HS3ST5: variants seen among roughly 807,000 people sequenced by gnomAD.
HS3ST5 encodes the protein heparan sulfate glucosamine 3-O-sulfotransferase 5.
In HS3ST5, 10 loss-of-function variants were observed where a neutral mutation model predicts 25.4. The ratio of observed to expected loss-of-function variants is 0.39; its 90% CI spans 0.24 to 0.67. The LOEUF (loss-of-function observed/expected upper bound fraction) is 0.67, where lower values mean the gene tolerates loss of function less well. Among genes scored for constraint, HS3ST5 ranks in the 30% least tolerant of loss-of-function variants. The pLI is 0.44. For synonymous variants in HS3ST5, 170 were observed against 162.4 expected, an observed-to-expected ratio of 1.05 and a Z score of -0.36; for missense variants, 324 against 420.7, an observed-to-expected ratio of 0.77 and a Z score of 2.01.
chr6:114,246,927 TAA>T (rs1248010326), intron 1 of HS3ST5, among the ~76,000 whole-genome samples: 3 of 152,316 alleles, frequency 2.0e-5, no homozygotes, highest in South Asian at 4.1e-4. Context: ...AGTGAGAAAG[TAA>T]ACTCTATTCT....
At chr6:114,338,278 C>T (rs1309754596) in intron 1 of HS3ST5, among the ~76,000 whole-genome samples, 1 of 151,364 alleles carries the variant, frequency 6.6e-6, no homozygotes, top group East Asian at 1.9e-4. Flanking sequence ...ATACTATTTA[C>T]ATATGTACAA....
At chr6:114,299,109 C>T (rs1774956487) in intron 1 of HS3ST5, among the ~76,000 whole-genome samples, 1 of 152,174 alleles carries the variant, frequency 6.6e-6, no homozygotes, top group Non-Finnish European at 1.5e-5. Flanking sequence ...TTCTTTTTCT[C>T]AGCAAGCAAC....
chr6:114,209,390 G>A (rs1781418259), intron 2 of HS3ST5, among the ~76,000 whole-genome samples: 1 of 150,150 alleles, frequency 6.7e-6, no homozygotes, highest in Non-Finnish European at 1.5e-5. Flanking sequence ...ATGTTCCTGT[G>A]CATAATTTTC....
At chr6:114,299,437 G>C (rs763402124) in intron 1 of HS3ST5, among the ~76,000 whole-genome samples, 5 of 152,124 alleles carry the variant, frequency 3.3e-5, no homozygotes, top group Admixed American at 6.5e-5. Flanking sequence ...TGTGAAGTAT[G>C]TGATCTCTGT....
intron 1 of HS3ST5, among the ~76,000 whole-genome samples, chr6:114,276,994 T>C (rs1238990865): frequency 6.6e-6 from 1 of 151,964 alleles, no homozygotes; most frequent in African/African-American, 2.4e-5. Flanking sequence ...AGTGGTGCAT[T>C]TGGCAAAGAA....
At position 114,179,604 on chromosome 6, in the gene HS3ST5, T is replaced by G. The variant is rs530050746; in HGVS notation, c.-144-11142A>C. On this transcript the variant is annotated intron_variant, in intron 2 of 4. Transcript: ENST00000312719. ...TGACTCTGTTCCACAGCCTCAAAAT[T>G]TCCTTGGATTTTGAACCTTGGTCTC... Among the ~76,000 whole-genome samples the G allele has an allele frequency of 7.5e-4, 114 of 152,188 alleles. 2 individuals are homozygous for G. The highest frequency in any genetic ancestry group is 2.7e-3 in the African/African-American group (111 of 41,520).
chr6:114,100,638 AC>A (rs1775678686), intron 3 of HS3ST5, among the ~76,000 whole-genome samples: 1 of 152,208 alleles, frequency 6.6e-6, no homozygotes, highest in Non-Finnish European at 1.5e-5. Context: ...ACTAATCACA[AC>A]AGCCTAAACT....
chr6:114,311,652 C>T (rs901425896), intron 1 of HS3ST5, among the ~76,000 whole-genome samples: 7 of 144,792 alleles, frequency 4.8e-5, no homozygotes, highest in Non-Finnish European at 1.0e-4. Flanking sequence ...AAGCAATTCT[C>T]GTGCCTCAGT....
chr6:114,062,946 G>T, intron 3 of HS3ST5, 69 bp from the exon 4 acceptor site: 2 of 829,608 alleles, frequency 2.4e-6, no homozygotes, highest in Non-Finnish European at 3.9e-6. Context: ...GCTAAGCAGA[G>T]GTGGAAGACA....
intron 1 of HS3ST5, among the ~76,000 whole-genome samples, chr6:114,284,255 T>C (rs575522313): frequency 1.3e-4 from 20 of 152,122 alleles, no homozygotes; most frequent in African/African-American, 4.8e-4. Flanking sequence ...CCATTCTTCA[T>C]TCACAAACCC....
intron 2 of HS3ST5, among the ~76,000 whole-genome samples, chr6:114,196,689 TAG>T (rs1161678654): frequency 6.6e-6 from 1 of 151,758 alleles, no homozygotes; most frequent in African/African-American, 2.4e-5. Flanking sequence ...TCCATAGAAG[TAG>T]AGTCTTAGCC....
chr6:114,147,868 ACCG>A (rs1218174488), intron 3 of HS3ST5, among the ~76,000 whole-genome samples: 1 of 152,178 alleles, frequency 6.6e-6, no homozygotes, highest in Non-Finnish European at 1.5e-5. Flanking sequence ...GCCATGAGCC[ACCG>A]CACCTGGCAG....
In HS3ST5 at chr6:114,229,137, A is replaced by AC. The variant is rs368261497; in HGVS notation, c.-338-360dup. 3.3e-3 allele frequency among the ~76,000 whole-genome samples: 505 copies of AC among 152,290 alleles called. 5 individuals are homozygous for AC. The highest frequency in any genetic ancestry group is 0.011 in the African/African-American group (472 of 41,562). On this transcript the variant is annotated intron_variant, in intron 1 of 4. Coordinates refer to ENST00000312719, the MANE Select transcript of HS3ST5 (RefSeq NM_153612.4). ...ATATTTCTTTACATGAGGCTCTATC[A>AC]CCCCCGTAAAAGATAAAATGGGATA...
chr6:114,272,414 C>G (rs1314580853), intron 1 of HS3ST5, among the ~76,000 whole-genome samples: 1 of 152,130 alleles, frequency 6.6e-6, no homozygotes, highest in Non-Finnish European at 1.5e-5. Context: ...ATTATCTCCC[C>G]TTCTAAGGAA....
At chr6:114,106,770 T>A (rs1776014074) in intron 3 of HS3ST5, among the ~76,000 whole-genome samples, 1 of 152,114 alleles carries the variant, frequency 6.6e-6, no homozygotes, top group Non-Finnish European at 1.5e-5. Context: ...GACAAGGTTC[T>A]GAGAACACAT....
At chr6:114,139,222 G>T (rs961352405) in intron 3 of HS3ST5, among the ~76,000 whole-genome samples, 1 of 152,114 alleles carries the variant, frequency 6.6e-6, no homozygotes, top group South Asian at 2.1e-4. Flanking sequence ...AGCTAACCCT[G>T]ATCTTTGGTG....
chr6:114,084,042 G>T (rs996003866), intron 3 of HS3ST5: 2 of 554,206 alleles, frequency 3.6e-6, no homozygotes, highest in Middle Eastern at 4.8e-4. Context: ...CAAACACTTG[G>T]TCTTTTTTTA....
intron 2 of HS3ST5, among the ~76,000 whole-genome samples, chr6:114,206,705 G>A (rs1001997563): frequency 1.3e-4 from 20 of 152,058 alleles, no homozygotes; most frequent in African/African-American, 3.6e-4. Flanking sequence ...AACATTAGTC[G>A]AATAAGAGAA....
At chr6:114,108,296 C>T (rs1420592327) in intron 3 of HS3ST5, among the ~76,000 whole-genome samples, 2 of 152,174 alleles carry the variant, frequency 1.3e-5, no homozygotes, top group Non-Finnish European at 2.9e-5. Context: ...CTCCTCGCCC[C>T]TCTGCCACCG....
Sources: allele counts gnomAD v4.1 joint callset (sites outside exome capture counted in the v4.1 genomes callset), GRCh38; gene constraint gnomAD v4.1.1; transcripts MANE v1.5; gene names NCBI Gene and HGNC (gene_info 2026-07-23, HGNC 2026-07-21).